REEP3: variants seen among roughly 807,000 people sequenced by gnomAD.
REEP3 encodes receptor accessory protein 3.
A neutral mutation model predicts 41.3 loss-of-function variants in REEP3; 20 were observed. That is an observed-to-expected ratio of 0.48 (90% CI 0.34 to 0.70). REEP3 has a LOEUF of 0.70. Ranked by LOEUF, REEP3 falls within the 30% of genes least tolerant of loss-of-function variation. REEP3 has a pLI of 0.01. For missense variants in REEP3, 271 were observed against 308.8 expected (o/e 0.88, Z 0.92); for synonymous variants, 104 against 101.8 (o/e 1.02, Z -0.13).
At chr10:63,569,021 T>C (rs1252748109) in intron 2 of REEP3, among the ~76,000 whole-genome samples, 1 of 152,182 alleles carries the variant, frequency 6.6e-6, no homozygotes, top group African/African-American at 2.4e-5. Context: ...AATGTACTTT[T>C]GCCTATTGTT....
intron 1 of REEP3, among the ~76,000 whole-genome samples, chr10:63,527,251 C>T (rs995148020): frequency 3.5e-4 from 53 of 152,144 alleles, no homozygotes; most frequent in African/African-American, 1.2e-3. Context: ...TCTACTAGAT[C>T]TTTCTCGACA....
intron 2 of REEP3, among the ~76,000 whole-genome samples, chr10:63,579,581 C>A (rs1241042248): frequency 1.3e-5 from 2 of 152,206 alleles, no homozygotes; most frequent in South Asian, 4.1e-4. Flanking sequence ...GCTGCCTGTC[C>A]TCTTTTAGCT....
intron 2 of REEP3, among the ~76,000 whole-genome samples, chr10:63,583,298 T>G (rs976432334): frequency 6.6e-6 from 1 of 151,786 alleles, no homozygotes; most frequent in Admixed American, 6.6e-5. Flanking sequence ...GCCCCCGGAG[T>G]TTTTTTTCTA....
At chr10:63,602,681 T>C (rs750174764) in intron 5 of REEP3, among the ~76,000 whole-genome samples, 3 of 152,240 alleles carry the variant, frequency 2.0e-5, no homozygotes, top group Non-Finnish European at 4.4e-5. Flanking sequence ...GTGACTATTT[T>C]GTGCAGTACT....
At chr10:63,552,530 A>G (rs1419566247) in intron 1 of REEP3, among the ~76,000 whole-genome samples, 4 of 152,240 alleles carry the variant, frequency 2.6e-5, no homozygotes, top group Admixed American at 1.3e-4. Flanking sequence ...TGTTTTTAAT[A>G]CAGAATCCAA....
At chr10:63,589,018 A>G (rs1378734508) in intron 2 of REEP3, among the ~76,000 whole-genome samples, 1 of 152,170 alleles carries the variant, frequency 6.6e-6, no homozygotes, top group African/African-American at 2.4e-5. Context: ...GTAGCAGGTG[A>G]GGGCAGAGAG....
Position 63,619,699 on chromosome 10 carries a change from G to A in REEP3, c.610G>A (p.Glu204Lys). The A allele has an allele frequency of 6.2e-7, 1 of 1,605,602 alleles. No homozygotes were observed. Among genetic ancestry groups the A allele is most frequent in the Non-Finnish European group, 8.5e-7 (1 of 1,175,834 alleles). ...AGACGGAGATGAGAAAACAGATGAA[G>A]AAGCAGAGGGGCCATATTCAGATAA... is the stretch of plus-strand genomic sequence containing the variant. ...LKDGDEKTDE[E>K]AEGPYSDNEM... is the part of the protein sequence containing the mutation. Residue 204 changes from glutamate (E) to lysine (K), a missense_variant, in exon 7 of 8, where the codon GAA becomes AAA. Transcript: ENST00000373758.
At chr10:63,572,256 C>A (rs1955859151) in intron 2 of REEP3, among the ~76,000 whole-genome samples, 2 of 151,888 alleles carry the variant, frequency 1.3e-5, no homozygotes, top group Non-Finnish European at 1.5e-5. Context: ...TATTTGCTTG[C>A]ACCCAGTGCA....
intron 1 of REEP3, among the ~76,000 whole-genome samples, chr10:63,555,535 A>G (rs1372198597): frequency 6.6e-6 from 1 of 152,226 alleles, no homozygotes; most frequent in Non-Finnish European, 1.5e-5. Context: ...CTTGGTTATC[A>G]GTAGACTTTG....
intron 2 of REEP3, among the ~76,000 whole-genome samples, chr10:63,572,191 G>A (rs1173892562): frequency 6.6e-6 from 1 of 151,844 alleles, no homozygotes; most frequent in African/African-American, 2.4e-5. Context: ...CTTAAATCTT[G>A]ACAATCTTCT....
chr10:63,609,897 A>G (rs1368928315), intron 5 of REEP3, among the ~76,000 whole-genome samples: 1 of 152,264 alleles, frequency 6.6e-6, no homozygotes, highest in Non-Finnish European at 1.5e-5. Flanking sequence ...GGGTAAGCCC[A>G]TCATACATCT....
At chr10:63,533,236 G>A (rs570049241) in intron 1 of REEP3, among the ~76,000 whole-genome samples, 114 of 152,302 alleles carry the variant, frequency 7.5e-4, no homozygotes, top group Non-Finnish European at 1.5e-3. Context: ...CACCAAAACT[G>A]TGAAGTGGGC....
intron 2 of REEP3, among the ~76,000 whole-genome samples, chr10:63,589,744 T>C (rs1289318350): frequency 1.3e-5 from 2 of 149,532 alleles, no homozygotes; most frequent in South Asian, 4.3e-4. Context: ...TGACCCATAC[T>C]GGGAGCTAGG....
intron 1 of REEP3, among the ~76,000 whole-genome samples, chr10:63,546,377 G>A (rs1955578727): frequency 6.6e-6 from 1 of 152,138 alleles, no homozygotes; most frequent in Admixed American, 6.5e-5. Context: ...GAACCCATAG[G>A]ATTGTTTGAC....
rs571963689 is a variant in REEP3 at position 63,540,411 on chromosome 10, G to C, written c.32+18834G>C. 2.6e-5 allele frequency among the ~76,000 whole-genome samples: 4 copies of C among 152,320 alleles called. No homozygotes were observed. The South Asian group carries it at 8.3e-4, about 32-fold the overall frequency. On this transcript the variant is annotated intron_variant, in intron 1 of 7. Coordinates refer to ENST00000373758, the MANE Select transcript of REEP3 (RefSeq NM_001001330.3). Reference sequence around the variant, plus strand: ...TTTGTCAGTGTGGAGCTTTATGTTTGTTTTTAATTAAAATCATTTCATGCC... The same window carrying C: ...TTTGTCAGTGTGGAGCTTTATGTTTCTTTTTAATTAAAATCATTTCATGCC...
intron 1 of REEP3, among the ~76,000 whole-genome samples, chr10:63,531,435 C>A (rs1419540005): frequency 1.3e-5 from 2 of 152,182 alleles, no homozygotes; most frequent in African/African-American, 4.8e-5. Flanking sequence ...TGACATATGT[C>A]ACCTAGTGGG....
At chr10:63,548,274 T>A (rs1422005239) in intron 1 of REEP3, among the ~76,000 whole-genome samples, 1 of 152,234 alleles carries the variant, frequency 6.6e-6, no homozygotes. Context: ...TCCATTCTCT[T>A]TATATATCTT....
At chr10:63,595,933 A>C (rs1956110433) in intron 3 of REEP3, among the ~76,000 whole-genome samples, 1 of 152,226 alleles carries the variant, frequency 6.6e-6, no homozygotes, top group Non-Finnish European at 1.5e-5. Flanking sequence ...TGAAAAAATT[A>C]ATCAGCTGCT....
At chr10:63,612,034 G>C (rs943571680) in intron 6 of REEP3, among the ~76,000 whole-genome samples, 1 of 152,118 alleles carries the variant, frequency 6.6e-6, no homozygotes, top group African/African-American at 2.4e-5. Flanking sequence ...AAGAGGTAAT[G>C]ATCAAGCATT....
Sources: gnomAD v4.1 joint callset for allele counts (sites outside exome capture counted in the v4.1 genomes callset) on GRCh38, gnomAD v4.1.1 for gene constraint, MANE v1.5 for transcripts, NCBI Gene and HGNC (gene_info 2026-07-23, HGNC 2026-07-21) for gene names.